METTL25: variants seen among roughly 807,000 people sequenced by gnomAD.
METTL25 encodes the protein probable methyltransferase-like protein 25.
A neutral mutation model predicts 71.6 loss-of-function variants in METTL25; 64 were observed. That is an observed-to-expected ratio of 0.89 (90% CI 0.73 to 1.10). The LOEUF is 1.10. METTL25 is among the 50% of genes least tolerant of loss of function. METTL25 has a pLI of 0.00. For missense variants in METTL25, 807 were observed against 707.0 expected (o/e 1.14, Z -1.60); for synonymous variants, 287 against 250.3 (o/e 1.15, Z -1.38).
chr12:82,444,121 T>C (rs967965404), intron 8 of METTL25, among the ~76,000 whole-genome samples: 3 of 152,100 alleles, frequency 2.0e-5, no homozygotes, highest in Non-Finnish European at 4.4e-5. Flanking sequence ...AAGACTACTG[T>C]AAGACATATA....
At chr12:82,359,880 C>T (rs1881587744) in intron 1 of METTL25, among the ~76,000 whole-genome samples, 1 of 152,180 alleles carries the variant, frequency 6.6e-6, no homozygotes, top group African/African-American at 2.4e-5. Context: ...CTAGAGGGAC[C>T]TCTTATAATA....
chr12:82,467,733 T>TA lies in METTL25; in HGVS notation c.1573-8910dup, dbSNP rs1306218388. Among the ~76,000 whole-genome samples the TA allele has an allele frequency of 2.0e-5, 3 of 152,276 alleles. No homozygotes were observed. In the East Asian group the frequency reaches 5.8e-4, roughly 29 times the overall value. On this transcript the variant is annotated intron_variant, in intron 9 of 11. Coordinates refer to ENST00000248306, the MANE Select transcript of METTL25 (RefSeq NM_032230.3). ...TAGAATTCTTTATTTGTTCTTGACTTACAGTAGTTTGACTTTAATATGCCT... is the reference window on the plus strand; with the variant it reads ...TAGAATTCTTTATTTGTTCTTGACTTAACAGTAGTTTGACTTTAATATGCCT...
chr12:82,404,805 A>G (rs143772405), intron 5 of METTL25, among the ~76,000 whole-genome samples: 119 of 152,208 alleles, frequency 7.8e-4, no homozygotes, highest in Middle Eastern at 3.4e-3. Context: ...TTAGCTGGCC[A>G]TGGTGGTGGA....
At chr12:82,452,004 A>G (rs914735688) in intron 8 of METTL25, among the ~76,000 whole-genome samples, 2 of 152,048 alleles carry the variant, frequency 1.3e-5, no homozygotes, top group Non-Finnish European at 2.9e-5. Context: ...TGTGCCCATA[A>G]GGCTCTATGT....
chr12:82,412,183 A>G (rs943129198), intron 5 of METTL25, among the ~76,000 whole-genome samples: 2 of 152,142 alleles, frequency 1.3e-5, no homozygotes, highest in Admixed American at 1.3e-4. Flanking sequence ...TACAAAAAAA[A>G]TAACTGAACT....
intron 1 of METTL25, among the ~76,000 whole-genome samples, chr12:82,386,446 C>CCTCCCTCCCTCTCTCT (rs1885016014): frequency 7.8e-6 from 1 of 127,510 alleles, no homozygotes; most frequent in Non-Finnish European, 1.7e-5. Flanking sequence ...TCCCTCCCTC[C>CCTCCCTCCCTCTCTCT]CTCCCTCCCT....
chr12:82,394,247 A>G (rs1885880082), intron 3 of METTL25, among the ~76,000 whole-genome samples: 1 of 151,976 alleles, frequency 6.6e-6, no homozygotes, highest in African/African-American at 2.4e-5. Flanking sequence ...TTCTTTGCCT[A>G]CTTTCTGTTT....
In METTL25 at chr12:82,434,713, G is replaced by C. The variant is rs780148075; in HGVS notation, c.1393G>C (p.Ala465Pro). The change falls in exon 7 of 12, where the codon GCT becomes CCT. Residue 465 changes from alanine (A) to proline (P), a missense_variant. Ala to Pro is a conservative substitution (Grantham distance 27, BLOSUM62 -1). Coordinates refer to ENST00000248306, the MANE Select transcript of METTL25 (RefSeq NM_032230.3). ...CTTTAAGGCATTGGAGCGGGTTGCAGCTGGCCAAGGGGTAAGTAAGAGTGT... is the reference window on the plus strand; with the variant it reads ...CTTTAAGGCATTGGAGCGGGTTGCACCTGGCCAAGGGGTAAGTAAGAGTGT... Reference protein sequence around the residue: ...SACLALERVAAGQGLPTESLF... With the variant: ...SACLALERVAPGQGLPTESLF... The C allele has an allele frequency of 6.2e-6, 10 of 1,609,300 alleles. No individual in the cohort carries two copies. Among genetic ancestry groups the C allele is most frequent in the Middle Eastern group, 3.3e-4 (2 of 6,060 alleles).
intron 8 of METTL25, among the ~76,000 whole-genome samples, chr12:82,450,771 C>T (rs1450048945): frequency 6.6e-6 from 1 of 152,108 alleles, no homozygotes; most frequent in Non-Finnish European, 1.5e-5. Flanking sequence ...AAACACTTCT[C>T]TACTCAGGGC....
intron 1 of METTL25, among the ~76,000 whole-genome samples, chr12:82,369,174 A>T (rs1882920480): frequency 6.6e-6 from 1 of 152,228 alleles, no homozygotes; most frequent in Non-Finnish European, 1.5e-5. Flanking sequence ...CCCAGGTCAG[A>T]TTACACTAAA....
Position 82,447,675 on chromosome 12 carries a change from AGAG to A in METTL25, c.1478+8888_1478+8890del, listed in dbSNP as rs201601548. Among the ~76,000 whole-genome samples the A allele has an allele frequency of 9.8e-3, 1,488 of 152,270 alleles. 22 individuals are homozygous for A. Among genetic ancestry groups the A allele is most frequent in the African/African-American group, 0.034 (1,406 of 41,576 alleles). On this transcript the variant is annotated intron_variant, in intron 8 of 11. Transcript: ENST00000248306. The stretch of plus-strand genomic sequence containing the variant: ...ATTAGGCAGAATGATAAGGTAGGGA[AGAG>A]GAGAAGTACATATAGAAATCAAGGT...
chr12:82,460,651 A>G (rs1891800282), intron 9 of METTL25, among the ~76,000 whole-genome samples: 3 of 152,234 alleles, frequency 2.0e-5, no homozygotes, highest in Non-Finnish European at 2.9e-5. Flanking sequence ...CCTGATCAGT[A>G]CTTCTCAAAA....
At chr12:82,370,625 C>A (rs1351699289) in intron 1 of METTL25, among the ~76,000 whole-genome samples, 1 of 152,126 alleles carries the variant, frequency 6.6e-6, no homozygotes, top group Non-Finnish European at 1.5e-5. Context: ...AAGAGAAGAC[C>A]TTCAATTATC....
chr12:82,369,640 C>A, intron 1 of METTL25: 2 of 271,294 alleles, frequency 7.4e-6, no homozygotes, highest in South Asian at 6.4e-5. Context: ...AGTGAAAGAA[C>A]AAAGCTTCCA....
intron 1 of METTL25, among the ~76,000 whole-genome samples, chr12:82,384,603 A>C (rs1399139657): frequency 6.7e-6 from 1 of 150,002 alleles, no homozygotes; most frequent in African/African-American, 2.5e-5. Flanking sequence ...GAATTAGAAA[A>C]CTACCCTTTT....
chr12:82,398,236 T>A (rs1287457076), intron 3 of METTL25, among the ~76,000 whole-genome samples: 1 of 151,516 alleles, frequency 6.6e-6, no homozygotes, highest in Non-Finnish European at 1.5e-5. Context: ...AAATTTTACT[T>A]CCTAATTTTT....
intron 1 of METTL25, among the ~76,000 whole-genome samples, chr12:82,368,875 CT>C (rs1200747671): frequency 2.0e-5 from 3 of 152,152 alleles, no homozygotes; most frequent in Non-Finnish European, 2.9e-5. Flanking sequence ...GATCTGACCC[CT>C]GATCAACTTT....
chr12:82,425,905 G>T (rs895578127), intron 5 of METTL25, among the ~76,000 whole-genome samples: 2 of 151,974 alleles, frequency 1.3e-5, no homozygotes, highest in African/African-American at 2.4e-5. Context: ...TCTAAAGCTT[G>T]CAAGAAATAC....
At chr12:82,389,186 C>A (rs1350056019) in intron 2 of METTL25, among the ~76,000 whole-genome samples, 3 of 152,024 alleles carry the variant, frequency 2.0e-5, no homozygotes, top group Non-Finnish European at 4.4e-5. Context: ...TGTAGTTCTG[C>A]AATGAGGGAA....
Sources: gnomAD v4.1 joint callset for allele counts (sites outside exome capture counted in the v4.1 genomes callset) on GRCh38, gnomAD v4.1.1 for gene constraint, MANE v1.5 for transcripts, NCBI Gene and HGNC (gene_info 2026-07-23, HGNC 2026-07-21) for gene names.